The following TMEM181 variants were observed in gnomAD, a reference collection of about 807,000 sequenced individuals.
The protein encoded by TMEM181 is G protein-coupled receptor 178.
A neutral mutation model predicts 71.9 loss-of-function variants in TMEM181; 39 were observed. That is an observed-to-expected ratio of 0.54 (90% CI 0.42 to 0.71). TMEM181 has a LOEUF of 0.71. Among genes scored for constraint, TMEM181 ranks in the 30% least tolerant of loss-of-function variants. The pLI, the probability that TMEM181 is intolerant of heterozygous loss-of-function variation, is 0.00. For missense variants in TMEM181, 595 were observed against 583.0 expected, an observed-to-expected ratio of 1.02 and a Z score of -0.21; for synonymous variants, 245 against 228.8, an observed-to-expected ratio of 1.07 and a Z score of -0.64.
At position 158,620,560 on chromosome 6, in the gene TMEM181, C is replaced by T. The variant is rs1286398711; in HGVS notation, c.897-2990C>T. ...GAGCAAGGGTTAGGGAGCGAAATACCCATCGCTGGTGGTTGGAGGTGGATT... is the reference window on the plus strand; with the variant it reads ...GAGCAAGGGTTAGGGAGCGAAATACTCATCGCTGGTGGTTGGAGGTGGATT... On this transcript the variant is annotated intron_variant, in intron 10 of 16. Coordinates refer to ENST00000684151, the MANE Select transcript of TMEM181 (RefSeq NM_001376852.1). The surrounding 1 kb of genome is among the most constrained non-coding windows in gnomAD (Gnocchi z 4.5). Among the ~76,000 whole-genome samples, 1 of 152,110 alleles carries T rather than the reference C, an allele frequency of 6.6e-6. No individual in the cohort carries two copies. The highest frequency in any genetic ancestry group is 1.5e-5 in the Non-Finnish European group (1 of 68,016).
intron 1 of TMEM181, among the ~76,000 whole-genome samples, chr6:158,571,580 G>A (rs191272872): frequency 2.7e-5 from 4 of 149,728 alleles, no homozygotes; most frequent in Admixed American, 6.6e-5. Flanking sequence ...TTATAGGCAT[G>A]AGCCACCGCG....
intron 1 of TMEM181, among the ~76,000 whole-genome samples, chr6:158,542,825 G>A (rs897252047): frequency 1.4e-5 from 2 of 148,014 alleles, no homozygotes; most frequent in African/African-American, 5.0e-5. Context: ...GGCTGGTCTC[G>A]AACTGCTGAC....
intron 1 of TMEM181, among the ~76,000 whole-genome samples, chr6:158,549,884 T>A (rs2128280732): frequency 6.6e-6 from 1 of 152,078 alleles, no homozygotes; most frequent in East Asian, 1.9e-4. Context: ...ATAGTTTTTG[T>A]TACTAGGCAT....
chr6:158,593,778 C>T (rs1447773314), intron 6 of TMEM181, among the ~76,000 whole-genome samples: 3 of 152,118 alleles, frequency 2.0e-5, no homozygotes, highest in Admixed American at 2.0e-4. Flanking sequence ...TTTAGTTTCA[C>T]AGCAAAATTG....
At chr6:158,596,066 T>A (rs1019198777) in intron 6 of TMEM181, among the ~76,000 whole-genome samples, 3 of 151,954 alleles carry the variant, frequency 2.0e-5, no homozygotes, top group Admixed American at 2.0e-4. Flanking sequence ...GGACTACAGG[T>A]GCCCACCACC....
intron 1 of TMEM181, among the ~76,000 whole-genome samples, chr6:158,547,579 C>G (rs1003250933): frequency 6.6e-6 from 1 of 152,180 alleles, no homozygotes; most frequent in Non-Finnish European, 1.5e-5. Flanking sequence ...CACAGGGTCT[C>G]CCCCCTCAGC....
chr6:158,627,503 T>G (rs927080273), intron 13 of TMEM181, among the ~76,000 whole-genome samples: 2 of 152,294 alleles, frequency 1.3e-5, no homozygotes, highest in Middle Eastern at 3.4e-3. Context: ...GGGTCCACTT[T>G]AGATGAGTGG....
chr6:158,536,935 C>T (rs1781133116), intron 1 of TMEM181: 1 of 1,174,098 alleles, frequency 8.5e-7, no homozygotes, highest in Non-Finnish European at 1.1e-6. Context: ...GGGACCCCGG[C>T]GCGCCCCGGC....
intron 1 of TMEM181, among the ~76,000 whole-genome samples, chr6:158,570,968 A>G (rs2128292209): frequency 1.3e-5 from 2 of 150,976 alleles, no homozygotes; most frequent in East Asian, 3.9e-4. Flanking sequence ...GCTGGAGTGC[A>G]GTGGTGTGAT....
intron 5 of TMEM181, among the ~76,000 whole-genome samples, chr6:158,586,574 C>T (rs1399045007): frequency 6.6e-6 from 1 of 152,208 alleles, no homozygotes; most frequent in East Asian, 1.9e-4. Flanking sequence ...CCCTTTTATT[C>T]TGAAGCTTGT....
chr6:158,616,784 C>A (rs1051811821), intron 10 of TMEM181, among the ~76,000 whole-genome samples: 6 of 152,172 alleles, frequency 3.9e-5, no homozygotes, highest in Non-Finnish European at 8.8e-5. Flanking sequence ...TGCTGGATTA[C>A]ATTTATAGAT....
intron 1 of TMEM181, among the ~76,000 whole-genome samples, chr6:158,537,830 C>T (rs998703856): frequency 6.6e-6 from 1 of 152,178 alleles, no homozygotes; most frequent in Non-Finnish European, 1.5e-5. Context: ...CTGTACTCAT[C>T]ATAGGTACCT....
In TMEM181 at chr6:158,625,259, G is replaced by T. The variant is rs578233875; in HGVS notation, c.1057+53G>T. The stretch of plus-strand genomic sequence containing the variant: ...GGGGTGGCTTGGGAGTGACTCAGGT[G>T]GGGGAAGAAGTGGTTGGAGTCTCCC... On this transcript the variant is annotated intron_variant, in intron 12 of 16. Transcript: ENST00000684151. 148 of 1,500,542 alleles carry T rather than the reference G, an allele frequency of 9.9e-5. No homozygotes were observed. In the East Asian group the frequency reaches 2.7e-3, roughly 27 times the overall value. 93.0% of individuals were successfully genotyped at this position (1,500,542 alleles called of 1,614,324 possible).
chr6:158,608,622 T>A, intron 9 of TMEM181, 37 bp from the exon 10 acceptor site: 1 of 1,599,096 alleles, frequency 6.3e-7, no homozygotes, highest in South Asian at 1.1e-5. Flanking sequence ...CCAATTTGGT[T>A]TTCTTTATTT....
At chr6:158,579,281 AG>A (rs1479201235) in intron 2 of TMEM181, among the ~76,000 whole-genome samples, 8 of 148,438 alleles carry the variant, frequency 5.4e-5, no homozygotes, top group Admixed American at 5.4e-4. Flanking sequence ...AAAAAAAAGC[AG>A]GGTCTTGATA....
chr6:158,547,382 C>A (rs1379275140), intron 1 of TMEM181, among the ~76,000 whole-genome samples: 2 of 152,174 alleles, frequency 1.3e-5, no homozygotes, highest in Non-Finnish European at 2.9e-5. Context: ...TTTAAAGCTC[C>A]CCAGGTGATT....
Position 158,603,588 on chromosome 6 carries a change from GTTTT to G in TMEM181, c.493-1663_493-1660del, listed in dbSNP as rs35319740. On this transcript the variant is annotated intron_variant, in intron 6 of 16. Coordinates refer to ENST00000684151, the MANE Select transcript of TMEM181 (RefSeq NM_001376852.1). ...CGATGCTATGTTGATTTTTTTTCAG[GTTTT>G]TTTTTTTTTTTTTTTAGTTTTATTT... 1.1e-3 allele frequency among the ~76,000 whole-genome samples: 143 copies of G among 136,030 alleles called. 1 individual carries two copies. Among genetic ancestry groups the G allele is most frequent in the Admixed American group, 1.7e-3 (24 of 13,730 alleles). The allele number at this position is 136,030 out of a possible 152,430, so 89.2% of individuals were successfully genotyped here. A position where few individuals can be genotyped will look rare whatever the true frequency, so the allele number is the denominator to read the frequency against.
chr6:158,570,950 G>A (rs1328622338), intron 1 of TMEM181, among the ~76,000 whole-genome samples: 11 of 150,402 alleles, frequency 7.3e-5, no homozygotes. Flanking sequence ...GTCTCGCTCT[G>A]TCACCTGGCT....
At chr6:158,609,915 C>A in intron 10 of TMEM181, 1 of 233,188 alleles carries the variant, frequency 4.3e-6, no homozygotes, top group East Asian at 1.1e-4. Context: ...CTCAGCACTT[C>A]CCGGGCTTCT....
Sources: gnomAD v4.1 joint callset for allele counts (sites outside exome capture counted in the v4.1 genomes callset) on GRCh38, gnomAD v4.1.1 for gene constraint, Gnocchi (gnomAD v3.1) non-coding constraint, MANE v1.5 for transcripts, NCBI Gene and HGNC (gene_info 2026-07-23, HGNC 2026-07-21) for gene names.